MALT1: variants seen among roughly 807,000 people sequenced by gnomAD.
MALT1 encodes the protein MALT1 paracaspase.
In MALT1, 36 loss-of-function variants were observed where a neutral mutation model predicts 85.5. That is an observed-to-expected ratio of 0.42 (90% confidence interval 0.32 to 0.56). MALT1 has a LOEUF of 0.56. Ranked by LOEUF, MALT1 falls within the 20% of genes least tolerant of loss-of-function variation. The pLI is 0.10. For synonymous variants in MALT1, 359 were observed against 361.3 expected (o/e 0.99, Z 0.07); for missense variants, 716 against 981.6 (o/e 0.73, Z 3.62).
In MALT1 at chr18:58,749,556, C is replaced by A; in HGVS notation, c.*1714C>A. The A allele has an allele frequency of 4.6e-6, 1 of 217,960 alleles. No homozygotes were observed. The highest frequency in any genetic ancestry group is 6.8e-5 in the East Asian group (1 of 14,720). 13.5% of individuals were successfully genotyped at this position (217,960 alleles called of 1,614,324 possible). ...CTGGGAACATGTGTACTGGGTGACT[C>A]AAATTTTTCACCCATTTACACATAT... On this transcript the variant is annotated 3_prime_UTR_variant, in exon 17 of 17. Transcript: ENST00000649217.
chr18:58,727,628 G>GTT (rs74183292), intron 10 of MALT1, among the ~76,000 whole-genome samples: 13,355 of 130,470 alleles, frequency 0.1, 840 homozygotes, highest in Admixed American at 0.16. Flanking sequence ...TTTTTTTTTT[G>GTT]TTTTTTTTTT....
At chr18:58,726,759 A>T (rs1459208057) in intron 10 of MALT1, among the ~76,000 whole-genome samples, 1 of 152,238 alleles carries the variant, frequency 6.6e-6, no homozygotes, top group East Asian at 1.9e-4. Flanking sequence ...TTGGCCTGAG[A>T]TCTATCCCTG....
chr18:58,698,281 G>A (rs2054623876), intron 3 of MALT1, among the ~76,000 whole-genome samples: 1 of 151,908 alleles, frequency 6.6e-6, no homozygotes, highest in African/African-American at 2.4e-5. Flanking sequence ...TGGCCAGGGT[G>A]GTTTCAATCT....
intron 13 of MALT1, among the ~76,000 whole-genome samples, chr18:58,740,017 C>A (rs2055280484): frequency 6.6e-6 from 1 of 152,202 alleles, no homozygotes; most frequent in Admixed American, 6.5e-5. Flanking sequence ...AGATTTTTAA[C>A]CACTGGTTCA....
At chr18:58,733,306 C>A in intron 10 of MALT1, 91 bp from the exon 11 acceptor site, 2 of 791,948 alleles carry the variant, frequency 2.5e-6, no homozygotes, top group South Asian at 1.9e-5. Context: ...AAATTAAAGT[C>A]AAGGTTTTTC....
chr18:58,723,421 CTAAT>C (rs779941954), intron 10 of MALT1, among the ~76,000 whole-genome samples, 170 bp downstream of exon 10: 32 of 152,190 alleles, frequency 2.1e-4, no homozygotes, highest in Middle Eastern at 3.4e-3. Context: ...ATCTGAATAA[CTAAT>C]TAGCTTCATG....
rs1237202923 is a variant in MALT1, at chr18:58,751,507, A to C, written c.*3665A>C. 1 of 152,172 alleles carries C rather than the reference A, an allele frequency of 6.6e-6. No individual in the cohort carries two copies. Among genetic ancestry groups the C allele is most frequent in the African/African-American group, 2.4e-5 (1 of 41,446 alleles). 9.4% of individuals were successfully genotyped at this position (152,172 alleles called of 1,614,324 possible). ...GAGGCTGAAACAGGAGAATCGCATG[A>C]ATTTTTTAAAAAATCTAAACATGTA... is the stretch of plus-strand genomic sequence containing the variant. On this transcript the variant is annotated 3_prime_UTR_variant, in exon 17 of 17. Coordinates refer to ENST00000649217, the MANE Select transcript of MALT1 (RefSeq NM_006785.4).
chr18:58,745,650 A>ATTT lies in MALT1; in HGVS notation c.1912-7_1912-5dup. The ATTT allele has an allele frequency of 1.6e-6, 2 of 1,233,498 alleles. No individual in the cohort carries two copies. The highest frequency in any genetic ancestry group is 2.2e-6 in the Non-Finnish European group (2 of 889,348). The allele number at this position is 1,233,498 out of a possible 1,614,324, so 76.4% of individuals were successfully genotyped here. A position where few individuals can be genotyped will look rare whatever the true frequency, so the allele number is the denominator to read the frequency against. The stretch of plus-strand genomic sequence containing the variant: ...TTGATTTCATTATTAACAGTCCCTA[A>ATTT]TTTTTTTTTTTACAGGATCTAGATA... On this transcript the variant is annotated splice_polypyrimidine_tract_variant and intron_variant, in intron 15 of 16. Coordinates refer to ENST00000649217, the MANE Select transcript of MALT1 (RefSeq NM_006785.4).
At chr18:58,707,607 T>C (rs1241715054) in intron 4 of MALT1, among the ~76,000 whole-genome samples, 12 of 152,174 alleles carry the variant, frequency 7.9e-5, no homozygotes, top group Non-Finnish European at 4.4e-5. Context: ...TTACATTTTC[T>C]TTCTTCTTCG....
Position 58,671,702 on chromosome 18 carries a change from C to T in MALT1, c.59C>T (p.Pro20Leu). 1 of 1,262,424 alleles carries T rather than the reference C, an allele frequency of 7.9e-7. No homozygotes were observed. Among genetic ancestry groups the T allele is most frequent in the South Asian group, 2.9e-5 (1 of 34,804 alleles). The allele number at this position is 1,262,424 out of a possible 1,614,324, so 78.2% of individuals were successfully genotyped here. A position where few individuals can be genotyped will look rare whatever the true frequency, so the allele number is the denominator to read the frequency against. ...CCGCCCTCGGCCGCCCCCACGGGGC[C>T]GCTGCTCGCCCCTCCGGCCGGCGCG... Reference protein sequence around the residue: ...ALPPSAAPTGPLLAPPAGATL... With the variant: ...ALPPSAAPTGLLLAPPAGATL... Residue 20 changes from proline (P) to leucine (L), a missense_variant, in exon 1 of 17, where the codon CCG (proline) becomes CTG (leucine). Coordinates refer to ENST00000649217, the MANE Select transcript of MALT1 (RefSeq NM_006785.4).
Position 58,747,742 on chromosome 18 carries a change from A to AC in MALT1, c.2377dup (p.His793ProfsTer7). Reference sequence around the variant, plus strand: ...GATGCATTTATTTCAAGTTTCGCTCACCATGCTTCATGTCATTTTAGTAGA... The same window carrying AC: ...GATGCATTTATTTCAAGTTTCGCTCACCCATGCTTCATGTCATTTTAGTAGA... On this transcript the variant is annotated frameshift_variant, in exon 17 of 17. Coordinates refer to ENST00000649217, the MANE Select transcript of MALT1 (RefSeq NM_006785.4). LOFTEE classifies it high-confidence loss of function. The AC allele has an allele frequency of 1.2e-6, 2 of 1,614,152 alleles. No homozygotes were observed. The highest frequency in any genetic ancestry group is 1.7e-6 in the Non-Finnish European group (2 of 1,180,000).
intron 2 of MALT1, among the ~76,000 whole-genome samples, chr18:58,692,435 TCACTCTCTCCCTCC>T (rs1265502057): frequency 1.7e-5 from 1 of 58,694 alleles, no homozygotes; most frequent in Non-Finnish European, 3.7e-5. Context: ...TCTCTCTCTC[TCACTCTCTCCCTCC>T]CTCCCTCCCT....
At chr18:58,707,192 T>C (rs2054763716) in intron 4 of MALT1, among the ~76,000 whole-genome samples, 1 of 149,492 alleles carries the variant, frequency 6.7e-6, no homozygotes, top group African/African-American at 2.5e-5. Flanking sequence ...CATTTGGCTC[T>C]TTTTTTTTTC....
At chr18:58,705,247 A>G (rs1159918814) in intron 4 of MALT1, among the ~76,000 whole-genome samples, 1 of 151,140 alleles carries the variant, frequency 6.6e-6, no homozygotes, top group East Asian at 1.9e-4. Flanking sequence ...GTTGTCATAT[A>G]TTTTACTTCG....
At chr18:58,691,251 T>C (rs1193543001) in intron 2 of MALT1, 5 of 405,566 alleles carry the variant, frequency 1.2e-5, no homozygotes, top group Admixed American at 3.3e-5. Context: ...GGGCTATCCT[T>C]ACCCCTATCT....
intron 5 of MALT1, 55 bp downstream of exon 5, chr18:58,709,611 A>G: frequency 7.2e-7 from 1 of 1,382,636 alleles, no homozygotes; most frequent in Non-Finnish European, 9.9e-7. Flanking sequence ...AACAAATGGT[A>G]CAATTGAAAT....
rs941975162 is a variant in MALT1 at position 58,671,684 on chromosome 18, C to G, written c.41C>G (p.Ser14Trp). The G allele has an allele frequency of 2.7e-5, 34 of 1,249,392 alleles. No homozygotes were observed. In the African/African-American group the frequency reaches 4.8e-4, roughly 18 times the overall value. 77.4% of individuals were successfully genotyped at this position (1,249,392 alleles called of 1,614,324 possible). The change falls in exon 1 of 17, where the codon TCG (serine) becomes TGG (tryptophan). Residue 14 changes from serine (S) to tryptophan (W), a missense_variant. Ser to Trp is a radical substitution (Grantham distance 177). This residue lies in a region of MALT1 where 80 missense variants were observed against 65.1 expected (regional missense o/e 1.23). Transcript: ENST00000649217. ...LGDPLQALPP[S>W]AAPTGPLLAP... The stretch of plus-strand genomic sequence containing the variant: ...GACCCGCTACAGGCCCTGCCGCCCT[C>G]GGCCGCCCCCACGGGGCCGCTGCTC...
At chr18:58,671,920 G>A in intron 1 of MALT1, 68 bp downstream of exon 1, 2 of 1,110,564 alleles carry the variant, frequency 1.8e-6, no homozygotes, top group South Asian at 9.0e-5. Context: ...GGGAGGTGGG[G>A]GCGCTGTCGG....
chr18:58,741,280 G>T (rs566704041), intron 13 of MALT1, among the ~76,000 whole-genome samples: 9 of 151,914 alleles, frequency 5.9e-5, no homozygotes, highest in African/African-American at 2.2e-4. Context: ...CTAATTTTTT[G>T]ATTTGGCTCA....
Sources: gnomAD v4.1 joint callset for allele counts (sites outside exome capture counted in the v4.1 genomes callset) on GRCh38, gnomAD v4.1.1 for gene constraint, gnomAD v4.1.1 regional missense constraint, MANE v1.5 for transcripts, NCBI Gene and HGNC (gene_info 2026-07-23, HGNC 2026-07-21) for gene names.